GNAT3: variants seen among roughly 807,000 people sequenced by gnomAD.
GNAT3 encodes the protein guanine nucleotide-binding protein G(t) subunit alpha-3.
GNAT3 carries 31 observed loss-of-function variants against 37.7 expected under a neutral mutation model. The observed-to-expected ratio is 0.82, with a 90% confidence interval of 0.62 to 1.11. GNAT3 has a LOEUF of 1.11. Ranked by LOEUF, GNAT3 falls within the 50% of genes most tolerant of loss-of-function variation. The pLI is 0.00. For synonymous variants in GNAT3, 138 were observed against 139.8 expected (o/e 0.99, Z 0.09); for missense variants, 437 against 412.5 (o/e 1.06, Z -0.51).
chr7:80,491,241 TGCTGAGATTTATTGCGTTGTAG>T (rs891988251), intron 2 of GNAT3, among the ~76,000 whole-genome samples: 3 of 152,168 alleles, frequency 2.0e-5, no homozygotes, highest in Non-Finnish European at 4.4e-5. Flanking sequence ...AGCATAACTA[TGCTGAGATTTATTGCGTTGTAG>T]GCTGGCGTTG....
intron 7 of GNAT3, among the ~76,000 whole-genome samples, chr7:80,460,363 G>A (rs1457725706): frequency 1.3e-5 from 2 of 152,170 alleles, no homozygotes; most frequent in Non-Finnish European, 2.9e-5. Context: ...TTTTAAGGCA[G>A]CGAAGCTGTT....
chr7:80,503,561 A>G (rs183810517), intron 1 of GNAT3, among the ~76,000 whole-genome samples: 7 of 152,340 alleles, frequency 4.6e-5, no homozygotes, highest in Non-Finnish European at 8.8e-5. Context: ...ATTTATGCCA[A>G]TAGAGATAGA....
At chr7:80,466,321 C>A (rs889425123) in intron 5 of GNAT3, among the ~76,000 whole-genome samples, 18 of 152,028 alleles carry the variant, frequency 1.2e-4, no homozygotes, top group Non-Finnish European at 5.9e-5. Flanking sequence ...TGCTTTTATG[C>A]CCAATTATGC....
At chr7:80,464,792 A>G (rs1790106066) in intron 5 of GNAT3, among the ~76,000 whole-genome samples, 1 of 152,132 alleles carries the variant, frequency 6.6e-6, no homozygotes, top group Admixed American at 6.6e-5. Flanking sequence ...ATATGAACCA[A>G]GTAAAGATAT....
chr7:80,477,800 A>C (rs1790330711), intron 4 of GNAT3, among the ~76,000 whole-genome samples: 1 of 152,212 alleles, frequency 6.6e-6, no homozygotes, highest in African/African-American at 2.4e-5. Context: ...TTTTTCACAC[A>C]TATGCATGAA....
chr7:80,486,023 A>G (rs921935717), intron 3 of GNAT3, among the ~76,000 whole-genome samples: 9 of 152,202 alleles, frequency 5.9e-5, no homozygotes, highest in African/African-American at 2.2e-4. Flanking sequence ...ATAAAAGTAT[A>G]TGCACTTGTA....
intron 3 of GNAT3, among the ~76,000 whole-genome samples, chr7:80,479,245 T>G (rs143541169): frequency 6.6e-6 from 1 of 152,164 alleles, no homozygotes; most frequent in Non-Finnish European, 1.5e-5. Context: ...TTTTGAAATA[T>G]GTCACTGACT....
chr7:80,483,487 T>G (rs373862144), intron 3 of GNAT3, among the ~76,000 whole-genome samples: 1 of 152,092 alleles, frequency 6.6e-6, no homozygotes, highest in Non-Finnish European at 1.5e-5. Flanking sequence ...ATCGAACACT[T>G]AACTCCTATT....
At position 80,497,575 on chromosome 7, in the gene GNAT3, T is replaced by TACGTATATACAC. The variant is rs1562732693; in HGVS notation, c.119-2929_119-2928insGTGTATATACGT. Among the ~76,000 whole-genome samples, 125 of 142,102 alleles carry TACGTATATACAC rather than the reference T, an allele frequency of 8.8e-4. 5 individuals carry two copies. Among genetic ancestry groups the TACGTATATACAC allele is most frequent in the African/African-American group, 3.2e-3 (117 of 37,054 alleles). 93.2% of individuals were successfully genotyped at this position (142,102 alleles called of 152,430 possible). The stretch of plus-strand genomic sequence containing the variant: ...ACGTATATACATATACGTATATACA[T>TACGTATATACAC]ATACGTATATACATATACGTATATA... On this transcript the variant is annotated intron_variant, in intron 1 of 7. Coordinates refer to ENST00000398291, the MANE Select transcript of GNAT3 (RefSeq NM_001102386.3).
At chr7:80,470,962 A>G (rs1458209065) in intron 5 of GNAT3, among the ~76,000 whole-genome samples, 1 of 151,366 alleles carries the variant, frequency 6.6e-6, no homozygotes, top group Non-Finnish European at 1.5e-5. Flanking sequence ...CATTTGAGTC[A>G]GTGGGCTGGG....
At chr7:80,505,404 G>C (rs1408389376) in intron 1 of GNAT3, among the ~76,000 whole-genome samples, 1 of 152,082 alleles carries the variant, frequency 6.6e-6, no homozygotes, top group Non-Finnish European at 1.5e-5. Context: ...GTCTCACTCT[G>C]TGCCCAGGCT....
At chr7:80,505,647 T>A (rs1790923734) in intron 1 of GNAT3, among the ~76,000 whole-genome samples, 1 of 152,212 alleles carries the variant, frequency 6.6e-6, no homozygotes, top group Admixed American at 6.5e-5. Context: ...ATTACAGGCG[T>A]GAGCCACTGC....
At chr7:80,482,221 AC>A (rs1790402539) in intron 3 of GNAT3, among the ~76,000 whole-genome samples, 2 of 152,064 alleles carry the variant, frequency 1.3e-5, no homozygotes, top group Admixed American at 6.6e-5. Context: ...GATTTTTAAA[AC>A]CCCATTTCTC....
At chr7:80,471,482 AG>A (rs1396327304) in intron 5 of GNAT3, among the ~76,000 whole-genome samples, 1 of 152,004 alleles carries the variant, frequency 6.6e-6, no homozygotes, top group Non-Finnish European at 1.5e-5. Context: ...TGATTTTCTG[AG>A]GATTTACGTG....
At chr7:80,490,330 A>C (rs1483418576) in intron 2 of GNAT3, among the ~76,000 whole-genome samples, 1 of 152,186 alleles carries the variant, frequency 6.6e-6, no homozygotes, top group Non-Finnish European at 1.5e-5. Context: ...TTTCAAGGCA[A>C]AATAGAGAAC....
At chr7:80,461,705 C>T (rs945040041) in intron 7 of GNAT3, among the ~76,000 whole-genome samples, 13 of 151,930 alleles carry the variant, frequency 8.6e-5, no homozygotes, top group East Asian at 1.9e-4. Flanking sequence ...CCACGAAAAC[C>T]GGAAAATGAA....
Position 80,467,055 on chromosome 7 carries a change from C to T in GNAT3, c.591-4424G>A, listed in dbSNP as rs528676468. 4.6e-5 allele frequency among the ~76,000 whole-genome samples: 7 copies of T among 152,146 alleles called. No individual in the cohort carries two copies. In the East Asian group the frequency reaches 1.3e-3, roughly 29 times the overall value. On this transcript the variant is annotated intron_variant, in intron 5 of 7. Coordinates refer to ENST00000398291, the MANE Select transcript of GNAT3 (RefSeq NM_001102386.3). ...TTCTTTACCAAAATGAAGAAACTGG[C>T]CTTTGAGAGGCTAAGGTGGTTTGTT...
intron 1 of GNAT3, among the ~76,000 whole-genome samples, chr7:80,509,868 A>G (rs1791030107): frequency 1.3e-5 from 2 of 152,114 alleles, no homozygotes; most frequent in African/African-American, 4.8e-5. Flanking sequence ...ATAACATTCC[A>G]TGCTTGTGTT....
rs564688622 is a variant in GNAT3 at position 80,497,668 on chromosome 7, A to G, written c.119-3021T>C. Among the ~76,000 whole-genome samples the G allele has an allele frequency of 1.3e-4, 14 of 105,458 alleles. 2 individuals are homozygous for G. The highest frequency in any genetic ancestry group is 9.9e-4 in the African/African-American group (14 of 14,124). 69.2% of individuals were successfully genotyped at this position (105,458 alleles called of 152,430 possible). A position where few individuals can be genotyped will look rare whatever the true frequency, so the allele number is the denominator to read the frequency against. On this transcript the variant is annotated intron_variant, in intron 1 of 7. Transcript: ENST00000398291. ...CATATACGTATATACATATACGTAT[A>G]TACATACATATATACACACACACTG...
Sources: allele counts gnomAD v4.1 joint callset (sites outside exome capture counted in the v4.1 genomes callset), GRCh38; gene constraint gnomAD v4.1.1; transcripts MANE v1.5; gene names NCBI Gene and HGNC (gene_info 2026-07-23, HGNC 2026-07-21).